Variants in RPTOR observed in about 807,000 individuals in gnomAD.
The protein encoded by RPTOR is regulatory-associated protein of mTOR.
In RPTOR, 21 loss-of-function variants were observed where a neutral mutation model predicts 169.9. The ratio of observed to expected loss-of-function variants is 0.12; its 90% CI spans 0.09 to 0.18. RPTOR has a LOEUF of 0.18. Among genes scored for constraint, RPTOR ranks in the 10% least tolerant of loss-of-function variants. The pLI is 1.00. For synonymous variants in RPTOR, 732 were observed against 753.2 expected (o/e 0.97, Z 0.46); for missense variants, 1,133 against 1,855.9 (o/e 0.61, Z 7.16).
At chr17:80,928,287 T>C (rs148017394) in intron 24 of RPTOR, among the ~76,000 whole-genome samples, 1 of 152,352 alleles carries the variant, frequency 6.6e-6, no homozygotes, top group African/African-American at 2.4e-5. Context: ...GTGGTATTCA[T>C]AAAGGTATTC....
chr17:80,850,817 C>T (rs182290055), intron 11 of RPTOR, among the ~76,000 whole-genome samples: 197 of 152,348 alleles, frequency 1.3e-3, no homozygotes, highest in African/African-American at 4.6e-3. Context: ...GTGCCCGAGG[C>T]ACCCTGGCCT....
chr17:80,652,304 G>A (rs1004410369), intron 3 of RPTOR, among the ~76,000 whole-genome samples: 3 of 152,176 alleles, frequency 2.0e-5, no homozygotes, highest in Non-Finnish European at 4.4e-5. Context: ...AAGCCCATCG[G>A]CAGTCATTTC....
At chr17:80,709,046 G>T in intron 4 of RPTOR, 3 of 985,470 alleles carry the variant, frequency 3.0e-6, no homozygotes, top group Non-Finnish European at 3.6e-6. Flanking sequence ...TGTGGGCCCA[G>T]AGCAGAGACC....
chr17:80,707,891 C>G lies in RPTOR; in HGVS notation c.399C>G (p.Leu133=), dbSNP rs759818225. Reference sequence around the variant, plus strand: ...CAACTGTGGATGAAGTCAAGAAGCTCTGCACGTCCTTACGTCGCAACGCCA... The same window carrying G: ...CAACTGTGGATGAAGTCAAGAAGCTGTGCACGTCCTTACGTCGCAACGCCA... ...LDPTVDEVKK[L]CTSLRRNAKE... The change falls in exon 4 of 34, where the codon CTC becomes CTG. Residue 133 remains leucine, a synonymous_variant. Coordinates refer to ENST00000306801, the MANE Select transcript of RPTOR (RefSeq NM_020761.3). This position sits in a 1 kb window ranked among gnomAD's most constrained non-coding sequence, Gnocchi z 5.0. 2.5e-6 allele frequency: 4 copies of G among 1,613,998 alleles called. No homozygotes were observed. Among genetic ancestry groups the G allele is most frequent in the Non-Finnish European group, 3.4e-6 (4 of 1,180,030 alleles).
intron 1 of RPTOR, among the ~76,000 whole-genome samples, chr17:80,592,304 C>A (rs937600281): frequency 1.3e-5 from 2 of 152,132 alleles, no homozygotes; most frequent in East Asian, 1.9e-4. Flanking sequence ...GCTAGAGATC[C>A]GCTGTGTGGT....
intron 5 of RPTOR, among the ~76,000 whole-genome samples, chr17:80,750,291 G>T (rs2066618431): frequency 6.6e-6 from 1 of 152,194 alleles, no homozygotes; most frequent in Non-Finnish European, 1.5e-5. Flanking sequence ...CCCACTTAAA[G>T]TTGTTTCCTT....
chr17:80,839,743 T>G (rs1418710910), intron 10 of RPTOR, among the ~76,000 whole-genome samples: 1 of 152,264 alleles, frequency 6.6e-6, no homozygotes, highest in African/African-American at 2.4e-5. Context: ...TTCTGTACTC[T>G]GAGCGTGGCT....
intron 3 of RPTOR, among the ~76,000 whole-genome samples, chr17:80,697,451 C>T (rs548243190): frequency 6.6e-6 from 1 of 152,344 alleles, no homozygotes; most frequent in East Asian, 1.9e-4. Flanking sequence ...TCACCAGGGA[C>T]CTGCCCCTGT....
chr17:80,857,103 C>T (rs2067860728), intron 12 of RPTOR, among the ~76,000 whole-genome samples: 2 of 152,220 alleles, frequency 1.3e-5, no homozygotes, highest in African/African-American at 4.8e-5. Flanking sequence ...ACAGCAGAAA[C>T]CCCTGGCTGT....
intron 24 of RPTOR, among the ~76,000 whole-genome samples, chr17:80,938,504 C>A (rs2068982755): frequency 6.6e-6 from 1 of 152,190 alleles, no homozygotes; most frequent in Admixed American, 6.5e-5. Context: ...ATGTTATTTA[C>A]CATTTGTCAT....
At position 80,947,282 on chromosome 17, in the gene RPTOR, C is replaced by T. The variant is rs1434467586; in HGVS notation, c.3196C>T (p.Arg1066Trp). The change falls in exon 27 of 34, where the codon CGG becomes TGG. Residue 1066 changes from arginine (R) to tryptophan (W), a missense_variant. This residue lies in a region of RPTOR where 410 missense variants were observed against 623.7 expected (regional missense o/e 0.66). Coordinates refer to ENST00000306801, the MANE Select transcript of RPTOR (RefSeq NM_020761.3). This position sits in a 1 kb window ranked among gnomAD's most constrained non-coding sequence, Gnocchi z 4.4. ...GGATTATTTCCACAATGGGAACCCT[C>T]GGTACACGAGGGTCACTGCCATGGA... ...KLDYFHNGNP[R>W]YTRVTAMEYL... 1.2e-6 allele frequency: 2 copies of T among 1,605,696 alleles called. No homozygotes were observed. Among genetic ancestry groups the T allele is most frequent in the Non-Finnish European group, 1.7e-6 (2 of 1,176,696 alleles).
At chr17:80,895,763 G>A (rs1037638899) in intron 20 of RPTOR, among the ~76,000 whole-genome samples, 13 of 152,314 alleles carry the variant, frequency 8.5e-5, no homozygotes, top group Admixed American at 3.9e-4. Flanking sequence ...CTACCACGCC[G>A]GTCTTGGCCA....
chr17:80,815,070 G>C (rs2067309834), intron 7 of RPTOR, among the ~76,000 whole-genome samples: 1 of 152,234 alleles, frequency 6.6e-6, no homozygotes, highest in African/African-American at 2.4e-5. Context: ...AAGATGGGGA[G>C]GAACAGAAAA....
chr17:80,786,203 A>G (rs548520212), intron 6 of RPTOR, among the ~76,000 whole-genome samples: 3 of 152,322 alleles, frequency 2.0e-5, no homozygotes, highest in Non-Finnish European at 4.4e-5. Context: ...AGTGACCGCC[A>G]TTTGCTTTTA....
rs9912890 is a variant in RPTOR, at chr17:80,800,998, A to T, written c.890+9489A>T. Among the ~76,000 whole-genome samples the T allele has an allele frequency of 4.7e-3, 721 of 152,344 alleles. 8 individuals are homozygous for T. Among genetic ancestry groups the T allele is most frequent in the African/African-American group, 0.016 (674 of 41,582 alleles). ...CGGCTGCCCCGTGTGGCCCAGGGACAGCAGGTGCGGGGCTGCAGCCCCACA... is the reference window on the plus strand; with the variant it reads ...CGGCTGCCCCGTGTGGCCCAGGGACTGCAGGTGCGGGGCTGCAGCCCCACA... On this transcript the variant is annotated intron_variant, in intron 7 of 33. Transcript: ENST00000306801.
Position 80,947,383 on chromosome 17 carries a change from G to A in RPTOR, c.3265+32G>A, listed in dbSNP as rs986263608. 1 of 1,521,596 alleles carries A rather than the reference G, an allele frequency of 6.6e-7. No individual in the cohort carries two copies. Among genetic ancestry groups the A allele is most frequent in the Non-Finnish European group, 8.8e-7 (1 of 1,135,824 alleles). The allele number at this position is 1,521,596 out of a possible 1,614,324, so 94.3% of individuals were successfully genotyped here. ...GGGGTTTGCACAGCCAGGATTGGAA[G>A]CCAGGGTCTGGAGGAGTGGCGGGGA... On this transcript the variant is annotated intron_variant, in intron 27 of 33. Coordinates refer to ENST00000306801, the MANE Select transcript of RPTOR (RefSeq NM_020761.3). This position sits in a 1 kb window ranked among gnomAD's most constrained non-coding sequence, Gnocchi z 4.4.
rs527836535 is a variant in RPTOR, at chr17:80,736,921, C to T, written c.654+6215C>T. On this transcript the variant is annotated intron_variant, in intron 5 of 33. Coordinates refer to ENST00000306801, the MANE Select transcript of RPTOR (RefSeq NM_020761.3). ...TGCCGATTCCACAGGAGCTCAGGCT[C>T]GCCTGTATTTCTCTTTCAAGCAATG... 2.0e-5 allele frequency among the ~76,000 whole-genome samples: 3 copies of T among 152,252 alleles called. No homozygotes were observed. The East Asian group carries it at 5.8e-4, about 29-fold the overall frequency.
intron 24 of RPTOR, among the ~76,000 whole-genome samples, chr17:80,935,754 A>T (rs1368564243): frequency 2.0e-5 from 3 of 150,924 alleles, no homozygotes; most frequent in Non-Finnish European, 4.4e-5. Context: ...ACCTAAAACT[A>T]TAAAACTTCT....
At chr17:80,765,739 T>C (rs2066780188) in intron 6 of RPTOR, among the ~76,000 whole-genome samples, 1 of 152,188 alleles carries the variant, frequency 6.6e-6, no homozygotes, top group Non-Finnish European at 1.5e-5. Context: ...CTTGTCCTGT[T>C]CTTTTTCTCT....
Sources: gnomAD v4.1 joint callset for allele counts (sites outside exome capture counted in the v4.1 genomes callset) on GRCh38, gnomAD v4.1.1 for gene constraint, gnomAD v4.1.1 regional missense constraint, Gnocchi (gnomAD v3.1) non-coding constraint, MANE v1.5 for transcripts, NCBI Gene and HGNC (gene_info 2026-07-23, HGNC 2026-07-21) for gene names.